FAM13B: variants seen among roughly 807,000 people sequenced by gnomAD.
FAM13B encodes protein FAM13B.
FAM13B carries 60 observed loss-of-function variants against 117.3 expected under a neutral mutation model. That is an observed-to-expected ratio of 0.51 (90% CI 0.42 to 0.63). FAM13B has a LOEUF of 0.63. FAM13B is among the 30% of genes least tolerant of loss of function. FAM13B has a pLI of 0.00. For missense variants in FAM13B, 972 were observed against 1,091.9 expected (o/e 0.89, Z 1.55); for synonymous variants, 332 against 356.1 (o/e 0.93, Z 0.76).
chr5:137,961,314 A>AAACAACAACAACAACAAC (rs56832242), intron 11 of FAM13B, among the ~76,000 whole-genome samples: 10 of 151,288 alleles, frequency 6.6e-5, no homozygotes, highest in South Asian at 4.2e-4. Flanking sequence ...CTTTTTCCAA[A>AAACAACAACAACAACAAC]AACAACAACA....
intron 14 of FAM13B, 121 bp from the exon 15 acceptor site, chr5:137,954,497 T>TAC (rs1436061731): frequency 1.1e-4 from 62 of 578,410 alleles, no homozygotes; most frequent in East Asian, 3.7e-4. Flanking sequence ...CATATATACA[T>TAC]ACACACATAC....
intron 10 of FAM13B, among the ~76,000 whole-genome samples, chr5:137,983,176 T>TAAAAAAAA (rs56880991): frequency 9.3e-5 from 7 of 75,118 alleles, no homozygotes; most frequent in African/African-American, 3.4e-4. Flanking sequence ...CCAGTGTAGG[T>TAAAAAAAA]AAAAAAAAAA....
chr5:137,955,694 C>T (rs1043919681), intron 14 of FAM13B, among the ~76,000 whole-genome samples: 52 of 152,050 alleles, frequency 3.4e-4, no homozygotes, highest in African/African-American at 9.7e-4. Context: ...TGCAGTGGCA[C>T]GATCTTGACT....
intron 7 of FAM13B, among the ~76,000 whole-genome samples, chr5:137,992,082 T>C (rs1335055184): frequency 6.6e-6 from 1 of 151,848 alleles, no homozygotes; most frequent in African/African-American, 2.4e-5. Flanking sequence ...CAGCTAACTT[T>C]TGTAATTTTT....
At chr5:138,042,249 A>G (rs1423844498) in intron 1 of FAM13B, among the ~76,000 whole-genome samples, 2 of 152,260 alleles carry the variant, frequency 1.3e-5, no homozygotes, top group Non-Finnish European at 2.9e-5. Flanking sequence ...GCCAGACACA[A>G]ACAAATACTG....
intron 10 of FAM13B, among the ~76,000 whole-genome samples, chr5:137,974,113 C>T (rs1184617937): frequency 2.7e-5 from 4 of 149,348 alleles, no homozygotes; most frequent in Admixed American, 1.3e-4. Context: ...GGGTTTATAC[C>T]CAAAGGACTA....
intron 1 of FAM13B, among the ~76,000 whole-genome samples, chr5:138,026,040 T>C (rs1581289770): frequency 6.6e-6 from 1 of 152,308 alleles, no homozygotes; most frequent in Middle Eastern, 3.4e-3. Context: ...ATCAATACTA[T>C]AGATAATAAT....
At chr5:138,045,824 A>G (rs1791624864) in intron 1 of FAM13B, among the ~76,000 whole-genome samples, 1 of 151,978 alleles carries the variant, frequency 6.6e-6, no homozygotes, top group Non-Finnish European at 1.5e-5. Context: ...AGGTGCCTGT[A>G]ATCCCAGCTA....
intron 10 of FAM13B, among the ~76,000 whole-genome samples, chr5:137,979,345 T>C (rs1343578552): frequency 6.6e-6 from 1 of 152,124 alleles, no homozygotes; most frequent in Non-Finnish European, 1.5e-5. Context: ...CCAAATACAG[T>C]GCAAAAAGCC....
At chr5:137,993,309 A>G (rs1033278613) in intron 7 of FAM13B, among the ~76,000 whole-genome samples, 5 of 152,082 alleles carry the variant, frequency 3.3e-5, no homozygotes, top group Non-Finnish European at 7.4e-5. Flanking sequence ...CTTTATGCCC[A>G]TTTCTGTAGT....
chr5:138,033,240 T>C (rs1790679580), upstream of FAM13B: 1 of 193,490 alleles, frequency 5.2e-6, no homozygotes, highest in African/African-American at 2.4e-5. Flanking sequence ...CCAATTGGGG[T>C]CCTGAATTAG....
At chr5:138,043,429 T>C (rs1484886501) in intron 1 of FAM13B, among the ~76,000 whole-genome samples, 2 of 151,606 alleles carry the variant, frequency 1.3e-5, no homozygotes, top group African/African-American at 4.9e-5. Context: ...ATTATTCTTT[T>C]TTTTCTTTCT....
At chr5:137,955,060 A>C (rs763564701) in intron 14 of FAM13B, among the ~76,000 whole-genome samples, 1 of 83,998 alleles carries the variant, frequency 1.2e-5, no homozygotes, top group Non-Finnish European at 2.7e-5. Flanking sequence ...AAGATGTTTT[A>C]TTTACAAATG....
intron 7 of FAM13B, among the ~76,000 whole-genome samples, chr5:137,999,402 C>A (rs1448765136): frequency 1.3e-5 from 2 of 152,068 alleles, no homozygotes; most frequent in East Asian, 1.9e-4. Flanking sequence ...ATGGTGAAAC[C>A]CCATCTCTAC....
In FAM13B at chr5:138,010,376, C is replaced by T. The variant is rs545479631; in HGVS notation, c.690+632G>A. 2.6e-5 allele frequency among the ~76,000 whole-genome samples: 4 copies of T among 152,334 alleles called. No homozygotes were observed. The South Asian group carries it at 6.2e-4, about 24-fold the overall frequency. Reference sequence around the variant, plus strand: ...ATACCAACACTTTGGAAGGCCAAGGCAGGAGGACTGCTTGAGGCCAAGAGT... The same window carrying T: ...ATACCAACACTTTGGAAGGCCAAGGTAGGAGGACTGCTTGAGGCCAAGAGT... On this transcript the variant is annotated intron_variant, in intron 6 of 23. Transcript: ENST00000689681.
chr5:138,019,275 C>A (rs1310602913), intron 2 of FAM13B, 129 bp from the exon 3 acceptor site: 19 of 745,794 alleles, frequency 2.5e-5, no homozygotes, highest in Non-Finnish European at 4.0e-5. Flanking sequence ...GTTAGCAGGC[C>A]CATAGTGTGT....
At chr5:137,944,478 A>G (rs1762846939) in intron 20 of FAM13B, among the ~76,000 whole-genome samples, 1 of 152,160 alleles carries the variant, frequency 6.6e-6, no homozygotes, top group South Asian at 2.1e-4. Context: ...ATAAAAAAGA[A>G]CAAAATCGGC....
At chr5:138,026,517 C>A (rs181189212) in intron 1 of FAM13B, among the ~76,000 whole-genome samples, 14 of 150,240 alleles carry the variant, frequency 9.3e-5, no homozygotes, top group African/African-American at 3.4e-4. Flanking sequence ...GTCCCAGCTA[C>A]TCGGGAGGCT....
Position 138,030,711 on chromosome 5 carries a change from TC to T in FAM13B, c.-203+2070del, listed in dbSNP as rs774765574. Among the ~76,000 whole-genome samples the T allele has an allele frequency of 2.2e-3, 216 of 96,492 alleles. 1 individual carries two copies. The highest frequency in any genetic ancestry group is 6.3e-3 in the Middle Eastern group (1 of 160). The allele number at this position is 96,492 out of a possible 152,430, so 63.3% of individuals were successfully genotyped here. On this transcript the variant is annotated intron_variant, in intron 1 of 23. Transcript: ENST00000689681. ...CCTGGGCAACAAGAATGAAACTCCG[TC>T]CCCCCCCCCCAAAAAAAAAAATTGA...
Sources: gnomAD v4.1 joint callset for allele counts (sites outside exome capture counted in the v4.1 genomes callset) on GRCh38, gnomAD v4.1.1 for gene constraint, MANE v1.5 for transcripts, NCBI Gene and HGNC (gene_info 2026-07-23, HGNC 2026-07-21) for gene names.